The following TASOR2 variants were observed in gnomAD, a reference collection of about 807,000 sequenced individuals.
TASOR2 encodes transcription activation suppressor family member 2, also known as protein TASOR 2.
Under a neutral mutation model 199.5 loss-of-function variants are expected in TASOR2, and 84 were observed. The ratio of observed to expected loss-of-function variants is 0.42; its 90% confidence interval spans 0.35 to 0.50. The LOEUF is 0.50. Ranked by LOEUF, TASOR2 falls within the 20% of genes least tolerant of loss-of-function variation. The pLI is 0.02. For missense variants in TASOR2, 2,796 were observed against 2,835.9 expected (o/e 0.99, Z 0.32); for synonymous variants, 1,103 against 1,046.6 (o/e 1.05, Z -1.04).
rs1228062495 is a variant in TASOR2, at chr10:5,719,756, T to C, written c.-99-788T>C. Among the ~76,000 whole-genome samples, 1 of 152,224 alleles carries C rather than the reference T, an allele frequency of 6.6e-6. No individual in the cohort carries two copies. Among genetic ancestry groups the C allele is most frequent in the Non-Finnish European group, 1.5e-5 (1 of 68,038 alleles). On this transcript the variant is annotated intron_variant, in intron 3 of 20. Transcript: ENST00000328090. This position sits in a 1 kb window ranked among gnomAD's most constrained non-coding sequence, Gnocchi z 4.1. ...AGGACCAGCTGCCTGCTAAGAACTT[T>C]GCTACATATTTGCTCCTTGTTAACT... is the stretch of plus-strand genomic sequence containing the variant.
Position 5,690,210 on chromosome 10 carries a change from A to G in TASOR2, c.-288+5035A>G, listed in dbSNP as rs2131487559. On this transcript the variant is annotated intron_variant, in intron 1 of 20. Coordinates refer to ENST00000328090, the Ensembl canonical transcript of TASOR2. The surrounding 1 kb of genome is among the most constrained non-coding windows in gnomAD (Gnocchi z 4.8). ...AGCTTTTGCTTTTATTGCTTGGCTT[A>G]GTTGGCTTTTTTAATTTGCTTTTTA... Among the ~76,000 whole-genome samples, 1 of 152,180 alleles carries G rather than the reference A, an allele frequency of 6.6e-6. No homozygotes were observed. The highest frequency in any genetic ancestry group is 2.1e-4 in the South Asian group (1 of 4,830).
rs758099366 is a variant in TASOR2, at chr10:5,749,438, C to T, written c.6017C>T (p.Pro2006Leu). The T allele has an allele frequency of 3.1e-6, 5 of 1,614,186 alleles. No homozygotes were observed. The South Asian group carries it at 5.5e-5, about 18-fold the overall frequency. ...TCTGCCTCCTCTGCCAATGTCTTTC[C>T]AAAGGAGTCACCAACCCAGATCTCC... The change falls in exon 15 of 21, where the codon CCA becomes CTA. Residue 2006 changes from proline (P) to leucine (L), a missense_variant. Physicochemically the swap from Pro to Leu is moderately conservative, Grantham distance 98. Coordinates refer to ENST00000328090, the Ensembl canonical transcript of TASOR2.
intron 1 of TASOR2, among the ~76,000 whole-genome samples, chr10:5,700,332 G>A (rs1837662303): frequency 6.6e-6 from 1 of 151,906 alleles, no homozygotes; most frequent in African/African-American, 2.4e-5. Flanking sequence ...TTATTCATCT[G>A]TTGATGGACA....
At chr10:5,726,417 A>T (rs960730026) in intron 8 of TASOR2, among the ~76,000 whole-genome samples, 1 of 152,240 alleles carries the variant, frequency 6.6e-6, no homozygotes. Context: ...CTTAAGATGC[A>T]TAGAAAGAAG....
chr10:5,742,378 A>C lies in TASOR2; in HGVS notation c.2609A>C (p.Asp870Ala). Residue 870 changes from aspartate (D) to alanine (A), a missense_variant, in exon 14 of 21, where the codon GAT becomes GCT. Coordinates refer to ENST00000328090, the Ensembl canonical transcript of TASOR2. The surrounding 1 kb of genome is among the most constrained non-coding windows in gnomAD (Gnocchi z 4.2). Reference sequence around the variant, plus strand: ...CATGCTGCTGAAGTATCCTTCCGTGATCCTAACTGCTTGCTTCCTTTCATT... The same window carrying C: ...CATGCTGCTGAAGTATCCTTCCGTGCTCCTAACTGCTTGCTTCCTTTCATT... 6 of 1,614,130 alleles carry C rather than the reference A, an allele frequency of 3.7e-6. No homozygotes were observed. Among genetic ancestry groups the C allele is most frequent in the Non-Finnish European group, 5.1e-6 (6 of 1,180,026 alleles).
At chr10:5,739,173 A>G (rs951389007) in intron 12 of TASOR2, among the ~76,000 whole-genome samples, 1 of 152,208 alleles carries the variant, frequency 6.6e-6, no homozygotes, top group Non-Finnish European at 1.5e-5. Context: ...AAACTCATAC[A>G]CACTTGAAAC....
intron 2 of TASOR2, among the ~76,000 whole-genome samples, chr10:5,713,555 G>A (rs1026532280): frequency 2.6e-5 from 4 of 151,996 alleles, no homozygotes; most frequent in African/African-American, 7.3e-5. Context: ...TTTGTTTAGC[G>A]GATAATTAGC....
At chr10:5,736,145 G>C (rs1460829337) in intron 12 of TASOR2, among the ~76,000 whole-genome samples, 1 of 152,078 alleles carries the variant, frequency 6.6e-6, no homozygotes, top group Non-Finnish European at 1.5e-5. Context: ...TTTTGGCCAG[G>C]CGCGGTGTCT....
intron 10 of TASOR2, 93 bp downstream of exon 11, chr10:5,727,216 CTG>C (rs1834161013): frequency 7.7e-7 from 1 of 1,295,782 alleles, no homozygotes; most frequent in Admixed American, 1.8e-5. Flanking sequence ...ACACTGTTGA[CTG>C]TTTTTTCCTC....
intron 10 of TASOR2, 25 bp downstream of exon 11, chr10:5,727,148 C>T (rs1168963356): frequency 1.2e-6 from 2 of 1,612,748 alleles, no homozygotes; most frequent in Non-Finnish European, 8.5e-7. Flanking sequence ...GTTTCCAGCT[C>T]ACTCTGTCTG....
Position 5,688,988 on chromosome 10 carries a change from G to A in TASOR2, c.-288+3813G>A, listed in dbSNP as rs551970948. ...ACTGCACACCTTCCTGGGTGACAGA[G>A]CAAGACCCTGTCTCCTTTAAAAAGT... is the stretch of plus-strand genomic sequence containing the variant. On this transcript the variant is annotated intron_variant, in intron 1 of 20. Coordinates refer to ENST00000328090, the Ensembl canonical transcript of TASOR2. Among the ~76,000 whole-genome samples the A allele has an allele frequency of 1.2e-4, 19 of 152,300 alleles. No individual in the cohort carries two copies. In the South Asian group the frequency reaches 3.7e-3, roughly 30 times the overall value.
chr10:5,762,205 C>T (rs1839953900), intron 19 of TASOR2, among the ~76,000 whole-genome samples: 1 of 83,376 alleles, frequency 1.2e-5, no homozygotes, highest in South Asian at 4.7e-4. Context: ...GCCGTCATCA[C>T]ACCACTGCAC....
Position 5,687,448 on chromosome 10 carries a change from T to G in TASOR2, c.-288+2273T>G, listed in dbSNP as rs139537547. Among the ~76,000 whole-genome samples, 2 of 152,358 alleles carry G rather than the reference T, an allele frequency of 1.3e-5. No individual in the cohort carries two copies. The highest frequency in any genetic ancestry group is 1.9e-4 in the East Asian group (1 of 5,190). On this transcript the variant is annotated intron_variant, in intron 1 of 20. Transcript: ENST00000328090. The surrounding 1 kb of genome is among the most constrained non-coding windows in gnomAD (Gnocchi z 4.8). ...CTTTTGTTAAACATTGTTTCTGAGA[T>G]TCACTCATGTTAAAGCACGTGCCTA...
At chr10:5,757,414 C>A in intron 16 of TASOR2, 106 bp from the exon 18 acceptor site, 1 of 1,111,778 alleles carries the variant, frequency 9.0e-7, no homozygotes, top group Non-Finnish European at 1.3e-6. Flanking sequence ...GAAATATTTT[C>A]AGTTGTTCCT....
chr10:5,686,118 T>C (rs560131244), intron 1 of TASOR2, among the ~76,000 whole-genome samples: 1 of 152,184 alleles, frequency 6.6e-6, no homozygotes, highest in Non-Finnish European at 1.5e-5. Context: ...CTGTATGCGG[T>C]ATGTCCTGTA....
At position 5,737,549 on chromosome 10, in the gene TASOR2, A is replaced by C. The variant is rs984472369; in HGVS notation, c.1447+2003A>C. 6.6e-6 allele frequency among the ~76,000 whole-genome samples: 1 copy of C among 151,466 alleles called. No individual in the cohort carries two copies. The highest frequency in any genetic ancestry group is 1.5e-5 in the Non-Finnish European group (1 of 67,878). ...CGGCCCTCTGTGCCTCCCCCAGGCA[A>C]CCTCTGCCCTTCAGGGGCCTGCAGC... On this transcript the variant is annotated intron_variant, in intron 12 of 20. Coordinates refer to ENST00000328090, the Ensembl canonical transcript of TASOR2. The surrounding 1 kb of genome is among the most constrained non-coding windows in gnomAD (Gnocchi z 4.9).
chr10:5,743,674 G>C (rs1459020485), intron 14 of TASOR2, among the ~76,000 whole-genome samples: 1 of 152,086 alleles, frequency 6.6e-6, no homozygotes, highest in Non-Finnish European at 1.5e-5. Context: ...AGAAAATATA[G>C]TCTAGTCAGG....
At chr10:5,729,701 A>C (rs1446910324) in intron 10 of TASOR2, among the ~76,000 whole-genome samples, 1 of 152,208 alleles carries the variant, frequency 6.6e-6, no homozygotes, top group Non-Finnish European at 1.5e-5. Flanking sequence ...AGAATGGTAC[A>C]ATTTTTATTT....
chr10:5,713,473 A>G (rs889097770), intron 2 of TASOR2, among the ~76,000 whole-genome samples: 2 of 152,192 alleles, frequency 1.3e-5, no homozygotes, highest in African/African-American at 4.8e-5. Context: ...ATTTTAAACA[A>G]TACCAGAGAT....
Sources: gnomAD v4.1 joint callset for allele counts (sites outside exome capture counted in the v4.1 genomes callset) on GRCh38, gnomAD v4.1.1 for gene constraint, Gnocchi (gnomAD v3.1) non-coding constraint, MANE v1.5 for transcripts, NCBI Gene and HGNC (gene_info 2026-07-23, HGNC 2026-07-21) for gene names.